FREM1: variants seen among roughly 807,000 people sequenced by gnomAD.
FREM1 encodes the protein FRAS1-related extracellular matrix protein 1.
Under a neutral mutation model 210.1 loss-of-function variants are expected in FREM1, and 220 were observed. The observed-to-expected ratio is 1.05, with a 90% CI of 0.94 to 1.17. The LOEUF (loss-of-function observed/expected upper bound fraction) is 1.17. Ranked by LOEUF, FREM1 falls within the 50% of genes most tolerant of loss-of-function variation. The probability of loss-of-function intolerance (pLI) is 0.00; values close to 1 mark genes in which losing one functional copy is unlikely to be tolerated. For missense variants in FREM1, 3,454 were observed against 2,675.5 expected (o/e 1.29, Z -6.42); for synonymous variants, 1,189 against 980.2 (o/e 1.21, Z -3.98).
Position 14,808,152 on chromosome 9 carries a change from A to G in FREM1, c.2894-18T>C, listed in dbSNP as rs1818719596. 1 of 1,518,586 alleles carries G rather than the reference A, an allele frequency of 6.6e-7. No individual in the cohort carries two copies. The highest frequency in any genetic ancestry group is 1.4e-5 in the African/African-American group (1 of 72,324). 94.1% of individuals were successfully genotyped at this position (1,518,586 alleles called of 1,614,324 possible). On this transcript the variant is annotated intron_variant, in intron 16 of 36. Transcript: ENST00000380880. ...CTCGCCACCTGGAAGACACAACTATAGCTGAAACCTGCCTTTTAAAAAATA... is the reference window on the plus strand; with the variant it reads ...CTCGCCACCTGGAAGACACAACTATGGCTGAAACCTGCCTTTTAAAAAATA...
At chr9:14,784,209 T>A (rs1221080847) in intron 24 of FREM1, 161 bp downstream of exon 24, 8 of 623,906 alleles carry the variant, frequency 1.3e-5, no homozygotes, top group East Asian at 6.1e-5. Context: ...TTCCTTTTTT[T>A]AAAAAACAAA....
At chr9:14,832,277 G>T (rs1252510399) in intron 10 of FREM1, among the ~76,000 whole-genome samples, 1 of 152,200 alleles carries the variant, frequency 6.6e-6, no homozygotes, top group African/African-American at 2.4e-5. Flanking sequence ...AGTAAAGGCA[G>T]ACTTAGGCCG....
chr9:14,782,718 G>A (rs192865039), intron 24 of FREM1, among the ~76,000 whole-genome samples: 9 of 152,278 alleles, frequency 5.9e-5, no homozygotes, highest in East Asian at 1.9e-4. Context: ...CAACAACAAC[G>A]ACAGTAAGAG....
intron 8 of FREM1, among the ~76,000 whole-genome samples, chr9:14,845,406 G>A (rs1479868400): frequency 6.6e-6 from 1 of 152,104 alleles, no homozygotes; most frequent in Non-Finnish European, 1.5e-5. Flanking sequence ...CCAGGTTCAA[G>A]CAATTCTCCT....
intron 19 of FREM1, among the ~76,000 whole-genome samples, chr9:14,802,816 G>A (rs576963810): frequency 6.6e-6 from 1 of 152,194 alleles, no homozygotes; most frequent in African/African-American, 2.4e-5. Context: ...GACTGCAAAG[G>A]TCCATCAATA....
intron 3 of FREM1, among the ~76,000 whole-genome samples, chr9:14,860,680 T>TAC (rs1564100172): frequency 1.0e-4 from 11 of 109,170 alleles, no homozygotes; most frequent in African/African-American, 4.6e-4. Flanking sequence ...TACACACATA[T>TAC]ATACACATAT....
At chr9:14,821,046 C>T (rs945756415) in intron 13 of FREM1, among the ~76,000 whole-genome samples, 10 of 152,114 alleles carry the variant, frequency 6.6e-5, no homozygotes, top group South Asian at 2.1e-4. Context: ...TAATTTCCCC[C>T]GACTCATTAG....
intron 30 of FREM1, 71 bp downstream of exon 30, chr9:14,750,056 G>T (rs565854728): frequency 6.8e-7 from 1 of 1,477,262 alleles, no homozygotes; most frequent in Non-Finnish European, 9.3e-7. Context: ...TATCAAGCAC[G>T]TTGGCTGTTG....
intron 21 of FREM1, 65 bp downstream of exon 21, chr9:14,797,433 C>G: frequency 7.3e-7 from 1 of 1,372,230 alleles, no homozygotes. Flanking sequence ...CACACCTGTA[C>G]CTAGTATTGT....
intron 22 of FREM1, among the ~76,000 whole-genome samples, chr9:14,789,967 T>G (rs945758442): frequency 2.6e-5 from 4 of 152,216 alleles, no homozygotes; most frequent in African/African-American, 9.7e-5. Context: ...ACATAATTTT[T>G]TAAAGTCATC....
intron 10 of FREM1, among the ~76,000 whole-genome samples, chr9:14,838,806 T>G (rs1564045076): frequency 6.6e-6 from 1 of 152,154 alleles, no homozygotes; most frequent in Non-Finnish European, 1.5e-5. Context: ...GAAATAGTGG[T>G]CTTACTTTAC....
chr9:14,901,957 T>C (rs1171877801), intron 1 of FREM1, among the ~76,000 whole-genome samples: 3 of 151,684 alleles, frequency 2.0e-5, no homozygotes, highest in Non-Finnish European at 4.4e-5. Context: ...TCTCAAGTGA[T>C]CCTCCCACCT....
At chr9:14,759,640 T>C (rs1845106929) in intron 28 of FREM1, 132 bp downstream of exon 28, 6 of 751,316 alleles carry the variant, frequency 8.0e-6, no homozygotes, top group Non-Finnish European at 1.0e-5. Context: ...CTTAGAATCC[T>C]CAGAATAGTG....
In FREM1 at chr9:14,806,658, TA is replaced by T; in HGVS notation, c.3274+2del. On this transcript the variant is annotated splice_donor_variant, in intron 18 of 36. Transcript: ENST00000380880. LOFTEE classifies it high-confidence loss of function. ...CATTGCTGGTGACGAAGCTACAGCT[TA>T]CCTATACTTATGCCAATATTGCTTT... is the stretch of plus-strand genomic sequence containing the variant. 1 of 1,546,394 alleles carries T rather than the reference TA, an allele frequency of 6.5e-7. No individual in the cohort carries two copies. Among genetic ancestry groups the T allele is most frequent in the Admixed American group, 1.8e-5 (1 of 56,840 alleles).
Position 14,863,856 on chromosome 9 carries a change from A to G in FREM1, c.282T>C (p.Asn94=), listed in dbSNP as rs200140322. ...FLPNEVKYVH[N]GCPILDEDTV... ...TGTCTTCATCAAGAATTGGACAACC[A>G]TTGTGAACATACTTGACTTCGTTGG... Residue 94 remains asparagine, a synonymous_variant, in exon 3 of 37, where the codon AAT becomes AAC. Transcript: ENST00000380880. The G allele has an allele frequency of 2.5e-6, 4 of 1,613,594 alleles. No individual in the cohort carries two copies. The highest frequency in any genetic ancestry group is 2.5e-6 in the Non-Finnish European group (3 of 1,179,504).
At chr9:14,802,742 T>C (rs938292749) in intron 19 of FREM1, among the ~76,000 whole-genome samples, 1 of 152,228 alleles carries the variant, frequency 6.6e-6, no homozygotes, top group African/African-American at 2.4e-5. Context: ...ATTCTACACA[T>C]GCATATTGGT....
chr9:14,813,658 C>A (rs781059523), intron 15 of FREM1, among the ~76,000 whole-genome samples: 1 of 152,024 alleles, frequency 6.6e-6, no homozygotes, highest in African/African-American at 2.4e-5. Flanking sequence ...CTCACTTTCA[C>A]GAAAATAAAA....
chr9:14,904,881 C>T (rs1160662397), intron 1 of FREM1, among the ~76,000 whole-genome samples: 1 of 152,164 alleles, frequency 6.6e-6, no homozygotes, highest in African/African-American at 2.4e-5. Context: ...CCAACCCCAG[C>T]TTCCAAGCCT....
intron 25 of FREM1, among the ~76,000 whole-genome samples, chr9:14,772,640 A>C (rs907455182): frequency 6.6e-6 from 1 of 152,208 alleles, no homozygotes; most frequent in Non-Finnish European, 1.5e-5. Context: ...CATTTTCAAA[A>C]GTCACAGTCA....
Sources: allele counts gnomAD v4.1 joint callset (sites outside exome capture counted in the v4.1 genomes callset), GRCh38; gene constraint gnomAD v4.1.1; transcripts MANE v1.5; gene names NCBI Gene and HGNC (gene_info 2026-07-23, HGNC 2026-07-21).